ZNF215: variants seen among roughly 807,000 people sequenced by gnomAD.
ZNF215 encodes BWSCR2-associated zinc finger protein 2.
Under a neutral mutation model 27.2 loss-of-function variants are expected in ZNF215, and 24 were observed. The observed-to-expected ratio is 0.88, with a 90% CI of 0.64 to 1.24. The LOEUF is 1.24. Among genes scored for constraint, ZNF215 ranks in the 50% most tolerant of loss-of-function variants. The pLI is 0.00. For synonymous variants in ZNF215, 210 were observed against 204.0 expected, an observed-to-expected ratio of 1.03 and a Z score of -0.25; for missense variants, 675 against 605.7, an observed-to-expected ratio of 1.11 and a Z score of -1.20.
chr11:6,954,335 C>T (rs1328965588), intron 6 of ZNF215, among the ~76,000 whole-genome samples: 1 of 152,234 alleles, frequency 6.6e-6, no homozygotes, highest in Non-Finnish European at 1.5e-5. Flanking sequence ...GCCCTGCCCC[C>T]AGAGGTGGAG....
At chr11:6,928,985 A>G (rs1184459282) in intron 2 of ZNF215, among the ~76,000 whole-genome samples, 2 of 151,966 alleles carry the variant, frequency 1.3e-5, no homozygotes, top group African/African-American at 4.8e-5. Context: ...GTCTTTTGTT[A>G]TGAGTTTGGG....
intron 5 of ZNF215, among the ~76,000 whole-genome samples, chr11:6,983,837 AG>A (rs1199513436): frequency 6.6e-6 from 1 of 152,104 alleles, no homozygotes; most frequent in Non-Finnish European, 1.5e-5. Context: ...CAAAGCATCA[AG>A]TAGAAATCTG....
chr11:6,974,926 T>A (rs1460569349), intron 5 of ZNF215, among the ~76,000 whole-genome samples: 1 of 148,914 alleles, frequency 6.7e-6, no homozygotes, highest in African/African-American at 2.5e-5. Context: ...CTTCCAACAC[T>A]ATGTTGAATA....
At chr11:6,954,797 G>A (rs1850258598) in intron 6 of ZNF215, among the ~76,000 whole-genome samples, 1 of 152,202 alleles carries the variant, frequency 6.6e-6, no homozygotes, top group Admixed American at 6.5e-5. Flanking sequence ...TACCTCAGAT[G>A]GAAATGCAGA....
At chr11:6,947,487 G>T (rs923198169) in intron 6 of ZNF215, among the ~76,000 whole-genome samples, 17 of 152,050 alleles carry the variant, frequency 1.1e-4, no homozygotes, top group African/African-American at 4.1e-4. Context: ...GCCGCAGTGA[G>T]CTATGATTGT....
At chr11:6,932,730 TTA>T in intron 3 of ZNF215, 58 bp downstream of exon 3, 1 of 1,500,568 alleles carries the variant, frequency 6.7e-7, no homozygotes, top group Middle Eastern at 1.9e-4. Context: ...TAAAGAGAAA[TTA>T]TCTTTTTTTG....
chr11:6,975,551 T>G (rs962377331), intron 5 of ZNF215, among the ~76,000 whole-genome samples: 1 of 152,016 alleles, frequency 6.6e-6, no homozygotes, highest in Middle Eastern at 3.2e-3. Context: ...ATAACCATTC[T>G]TCTATTCTCT....
chr11:6,957,251 T>G lies in ZNF215; in HGVS notation c.*720T>G. The G allele has an allele frequency of 3.2e-6, 3 of 939,372 alleles. No individual in the cohort carries two copies. The highest frequency in any genetic ancestry group is 3.8e-6 in the Non-Finnish European group (3 of 788,070). 58.2% of individuals were successfully genotyped at this position (939,372 alleles called of 1,614,324 possible). On this transcript the variant is annotated 3_prime_UTR_variant, in exon 7 of 7. Coordinates refer to ENST00000278319, the MANE Select transcript of ZNF215 (RefSeq NM_013250.4). Reference sequence around the variant, plus strand: ...ATGATGTTGATGAGAAAAATATCGATTCCCAGCCAGGGACACTGTGTGGAG... The same window carrying G: ...ATGATGTTGATGAGAAAAATATCGAGTCCCAGCCAGGGACACTGTGTGGAG...
At chr11:6,965,806 T>C (rs1449010801) in intron 5 of ZNF215, among the ~76,000 whole-genome samples, 1 of 152,210 alleles carries the variant, frequency 6.6e-6, no homozygotes. Flanking sequence ...TTGAGATTTT[T>C]TTATATAGTC....
intron 6 of ZNF215, among the ~76,000 whole-genome samples, chr11:6,949,602 A>C (rs953018795): frequency 6.6e-6 from 1 of 151,812 alleles, no homozygotes; most frequent in East Asian, 1.9e-4. Flanking sequence ...TTGTAAATTT[A>C]TTTGAGTTCA....
At chr11:6,982,433 C>T (rs56111244) in intron 5 of ZNF215, among the ~76,000 whole-genome samples, 3,188 of 150,890 alleles carry the variant, frequency 0.021, 118 homozygotes, top group African/African-American at 0.073. Flanking sequence ...GAACTCTCCA[C>T]CCCAAATCAA....
At position 6,932,542 on chromosome 11, in the gene ZNF215, G is replaced by T. The variant is rs770490347; in HGVS notation, c.270G>T (p.Leu90=). The T allele has an allele frequency of 1.2e-6, 2 of 1,614,074 alleles. No homozygotes were observed. The highest frequency in any genetic ancestry group is 1.7e-6 in the Non-Finnish European group (2 of 1,180,044). ...EIHTKKQIIE[L]LVLEQFLAIL... is the part of the protein sequence containing the mutation. ...ATACAAAGAAGCAGATTATAGAACT[G>T]TTGGTGCTGGAACAATTCCTGGCAA... Residue 90 remains leucine, a synonymous_variant, in exon 3 of 7, where the codon CTG becomes CTT. Coordinates refer to ENST00000278319, the MANE Select transcript of ZNF215 (RefSeq NM_013250.4).
chr11:6,980,803 C>A (rs12800099), intron 5 of ZNF215, among the ~76,000 whole-genome samples: 32,909 of 138,434 alleles, frequency 0.24, 4,991 homozygotes, highest in East Asian at 0.6. Context: ...TGTTCCCCTT[C>A]CTGTGTCCAT....
downstream of ZNF215, among the ~76,000 whole-genome samples, chr11:6,961,993 C>T (rs1420673131): frequency 1.3e-5 from 2 of 152,082 alleles, no homozygotes; most frequent in Non-Finnish European, 2.9e-5. Context: ...CCGCTTTGGT[C>T]CCAATCTTTG....
chr11:6,934,849 A>C (rs1849380373), intron 3 of ZNF215, among the ~76,000 whole-genome samples: 1 of 152,174 alleles, frequency 6.6e-6, no homozygotes, highest in African/African-American at 2.4e-5. Context: ...TCTGCCCATC[A>C]TGTGGGTTAA....
chr11:6,943,152 G>A lies in ZNF215; in HGVS notation c.553G>A (p.Val185Ile), dbSNP rs915973155. 8 of 1,614,036 alleles carry A rather than the reference G, an allele frequency of 5.0e-6. No individual in the cohort carries two copies. In the Middle Eastern group the frequency reaches 9.9e-4, roughly 200 times the overall value. The change falls in exon 5 of 7, where the codon GTA becomes ATA. Residue 185 changes from valine (V) to isoleucine (I), a missense_variant. Coordinates refer to ENST00000278319, the MANE Select transcript of ZNF215 (RefSeq NM_013250.4). The part of the protein sequence containing the change: ...KEEWGQLDSA[V>I]KNLYRNVMLE... ...AGAGTGGGGGCAACTGGACTCTGCTGTAAAGAACCTGTACAGGAATGTGAT... is the reference window on the plus strand; with the variant it reads ...AGAGTGGGGGCAACTGGACTCTGCTATAAAGAACCTGTACAGGAATGTGAT...
intron 5 of ZNF215, among the ~76,000 whole-genome samples, chr11:6,974,867 A>T (rs972496996): frequency 6.6e-6 from 1 of 152,072 alleles, no homozygotes; most frequent in African/African-American, 2.4e-5. Context: ...CTCTTTTCCT[A>T]ATTGAATGCC....
downstream of ZNF215, among the ~76,000 whole-genome samples, chr11:6,959,791 T>C (rs1850477214): frequency 6.6e-6 from 1 of 152,172 alleles, no homozygotes; most frequent in Admixed American, 6.6e-5. Flanking sequence ...TGACCATTTT[T>C]TTAAAAGCAA....
chr11:6,959,806 A>G (rs143399242), downstream of ZNF215, among the ~76,000 whole-genome samples: 6 of 152,314 alleles, frequency 3.9e-5, no homozygotes, highest in East Asian at 1.2e-3. Flanking sequence ...AAGCAAGGTA[A>G]TGAGAACATT....
Sources: gnomAD v4.1 joint callset for allele counts (sites outside exome capture counted in the v4.1 genomes callset) on GRCh38, gnomAD v4.1.1 for gene constraint, MANE v1.5 for transcripts, NCBI Gene and HGNC (gene_info 2026-07-23, HGNC 2026-07-21) for gene names.